Variants in ADAMTS13 observed in about 807,000 individuals in gnomAD.
ADAMTS13 encodes the protein ADAM metallopeptidase with thrombospondin type 1 motif 13, also known as A disintegrin and metalloproteinase with thrombospondin motifs 13.
ADAMTS13 carries 110 observed loss-of-function variants against 155.1 expected under a neutral mutation model. That is an observed-to-expected ratio of 0.71 (90% CI 0.61 to 0.83). The LOEUF is 0.83. Ranked by LOEUF, ADAMTS13 falls within the 40% of genes least tolerant of loss-of-function variation. ADAMTS13 has a pLI of 0.00. For synonymous variants in ADAMTS13, 758 were observed against 756.4 expected, an observed-to-expected ratio of 1.00 and a Z score of -0.03; for missense variants, 1,707 against 1,891.7, an observed-to-expected ratio of 0.90 and a Z score of 1.81.
Position 133,425,971 on chromosome 9 carries a change from TC to T in ADAMTS13, c.451del (p.Leu151CysfsTer2). The T allele has an allele frequency of 6.2e-7, 1 of 1,613,866 alleles. No homozygotes were observed. The highest frequency in any genetic ancestry group is 1.1e-5 in the South Asian group (1 of 91,084). On this transcript the variant is annotated frameshift_variant, in exon 5 of 29. Coordinates refer to ENST00000355699, the MANE Select transcript of ADAMTS13 (RefSeq NM_139027.6). LOFTEE classifies it high-confidence loss of function. The surrounding 1 kb of genome is among the most constrained non-coding windows in gnomAD (Gnocchi z 4.6). ...AAATATCACAGCCAACCTCACCTCG[TC>T]CCTGCTGAGCGTCTGTGGGTGGAGC... ...APNITANLTS[S>X]LLSVCGWSQT...
Position 133,424,492 on chromosome 9 carries a change from G to C in ADAMTS13, c.330+14G>C, listed in dbSNP as rs781984753. 2 of 1,608,342 alleles carry C rather than the reference G, an allele frequency of 1.2e-6. No individual in the cohort carries two copies. Among genetic ancestry groups the C allele is most frequent in the East Asian group, 2.2e-5 (1 of 44,534 alleles). On this transcript the variant is annotated intron_variant, in intron 3 of 28. Transcript: ENST00000355699. This position sits in a 1 kb window ranked among gnomAD's most constrained non-coding sequence, Gnocchi z 4.3. ...AACCTCAACATCGTGAGTGCCCCAC[G>C]CTGGACTGTGCAGGTCCCCACGGCC...
chr9:133,447,803 A>G (rs1485213672), intron 21 of ADAMTS13, among the ~76,000 whole-genome samples: 1 of 149,902 alleles, frequency 6.7e-6, no homozygotes, highest in Non-Finnish European at 1.5e-5. Flanking sequence ...CATGATGGCC[A>G]CGCTGGTCTC....
At chr9:133,414,918 T>C (rs782588604) in intron 1 of ADAMTS13, 1 of 1,614,054 alleles carries the variant, frequency 6.2e-7, no homozygotes, top group Non-Finnish European at 8.5e-7. Flanking sequence ...GTCTCTTTTT[T>C]GTTTTGCTGG....
chr9:133,427,444 C>T (rs980512474), intron 6 of ADAMTS13, among the ~76,000 whole-genome samples: 1 of 152,192 alleles, frequency 6.6e-6, no homozygotes, highest in Non-Finnish European at 1.5e-5. Context: ...TCCTTGCCCA[C>T]CAACCCCCAC....
chr9:133,455,534 C>G, intron 25 of ADAMTS13, 99 bp downstream of exon 25: 11 of 1,610,850 alleles, frequency 6.8e-6, no homozygotes, highest in Non-Finnish European at 9.3e-6. Flanking sequence ...GGCCCGGGGC[C>G]TGCTCTTCTC....
intron 21 of ADAMTS13, among the ~76,000 whole-genome samples, 192 bp from the exon 22 acceptor site, chr9:133,448,407 C>A (rs942094117): frequency 2.6e-5 from 4 of 152,180 alleles, no homozygotes; most frequent in Non-Finnish European, 4.4e-5. Flanking sequence ...AAGGTAGATG[C>A]CATTATCTTT....
Position 133,457,345 on chromosome 9 carries a change from A to T in ADAMTS13, c.3725-565A>T, listed in dbSNP as rs36222902. The stretch of plus-strand genomic sequence containing the variant: ...GTGGCAACAGGGGCTTAGCCTCTGC[A>T]GAGACCTAGTGCGCCGCCTCCTTGC... On this transcript the variant is annotated intron_variant, in intron 27 of 28. Transcript: ENST00000355699. Among the ~76,000 whole-genome samples the T allele has an allele frequency of 8.5e-3, 1,294 of 152,326 alleles. 8 individuals are homozygous for T. The highest frequency in any genetic ancestry group is 0.018 in the African/African-American group (735 of 41,588).
intron 19 of ADAMTS13, 145 bp from the exon 20 acceptor site, chr9:133,444,718 T>G: frequency 1.3e-5 from 10 of 799,290 alleles, no homozygotes; most frequent in Non-Finnish European, 1.8e-5. Context: ...GGAGAGACCC[T>G]GAGCTTCACT....
Position 133,425,919 on chromosome 9 carries a change from C to T in ADAMTS13, c.415-19C>T, listed in dbSNP as rs1840248822. ...CTGGTTGGGGTGTCCTAAATGCAGGCTTTGCTGTGGGTCCGCAGGGTGCTC... is the reference window on the plus strand; with the variant it reads ...CTGGTTGGGGTGTCCTAAATGCAGGTTTTGCTGTGGGTCCGCAGGGTGCTC... On this transcript the variant is annotated intron_variant, in intron 4 of 28. Coordinates refer to ENST00000355699, the MANE Select transcript of ADAMTS13 (RefSeq NM_139027.6). The surrounding 1 kb of genome is among the most constrained non-coding windows in gnomAD (Gnocchi z 4.6). 6.2e-7 allele frequency: 1 copy of T among 1,612,974 alleles called. No individual in the cohort carries two copies. Among genetic ancestry groups the T allele is most frequent in the African/African-American group, 1.3e-5 (1 of 74,940 alleles).
At chr9:133,439,055 A>T (rs587692907) in intron 14 of ADAMTS13, among the ~76,000 whole-genome samples, 1 of 152,292 alleles carries the variant, frequency 6.6e-6, no homozygotes, top group African/African-American at 2.4e-5. Flanking sequence ...TTTGGTGTAT[A>T]TATGAGGTCA....
rs139286990 is a variant in ADAMTS13 at position 133,455,529 on chromosome 9, G to A, written c.3400+94G>A. 2.1e-5 allele frequency: 34 copies of A among 1,610,872 alleles called. No homozygotes were observed. In the Middle Eastern group the frequency reaches 5.7e-4, roughly 27 times the overall value. On this transcript the variant is annotated intron_variant, in intron 25 of 28. Transcript: ENST00000355699. Reference sequence around the variant, plus strand: ...GCCTCCCTGGAGTGGTCCCAGGCCCGGGGCCTGCTCTTCTCCCCGGCTCCC... The same window carrying A: ...GCCTCCCTGGAGTGGTCCCAGGCCCAGGGCCTGCTCTTCTCCCCGGCTCCC...
In ADAMTS13 at chr9:133,432,654, G is replaced by C. The variant is rs377191898; in HGVS notation, c.1054G>C (p.Val352Leu). 6.4e-7 allele frequency: 1 copy of C among 1,559,842 alleles called. No homozygotes were observed. The highest frequency in any genetic ancestry group is 1.4e-5 in the African/African-American group (1 of 73,932). The change falls in exon 9 of 29, where the codon GTT becomes CTT. Residue 352 changes from valine (V) to leucine (L), a missense_variant. By Grantham distance (32) the Val-to-Leu change is conservative. Coordinates refer to ENST00000355699, the MANE Select transcript of ADAMTS13 (RefSeq NM_139027.6). ...LDQSSCSRLL[V>L]PLLDGTECGV... Reference sequence around the variant, plus strand: ...CCAAAGCAGCTGCAGCCGCCTCCTCGTTCCTCTCCTGGATGGGACAGAATG... The same window carrying C: ...CCAAAGCAGCTGCAGCCGCCTCCTCCTTCCTCTCCTGGATGGGACAGAATG...
intron 19 of ADAMTS13, 136 bp from the exon 20 acceptor site, chr9:133,444,727 C>G: frequency 1.1e-6 from 1 of 878,606 alleles, no homozygotes; most frequent in East Asian, 2.7e-5. Flanking sequence ...CTGAGCTTCA[C>G]TTCTCTGTGG....
At position 133,433,662 on chromosome 9, in the gene ADAMTS13, A is replaced by C. The variant is rs781796744; in HGVS notation, c.1266A>C (p.Ala422=). The C allele has an allele frequency of 2.5e-6, 4 of 1,613,890 alleles. No homozygotes were observed. The highest frequency in any genetic ancestry group is 2.2e-5 in the South Asian group (2 of 91,078). Residue 422 remains alanine (A), a synonymous_variant, in exon 11 of 29, where the codon GCA becomes GCC. Transcript: ENST00000355699. ...TCAGACCTGCCTTTGGGGGGCGTGC[A>C]TGTGTTGGTGCTGACCTCCAGGCCG... ...NNPRPAFGGR[A]CVGADLQAEM... is the part of the protein sequence containing the mutation.
Position 133,442,614 on chromosome 9 carries a change from G to C in ADAMTS13, c.2105G>C (p.Gly702Ala). The change falls in exon 18 of 29, where the codon GGG becomes GCG. Residue 702 changes from glycine (G) to alanine (A), a missense_variant and splice_region_variant. Around this residue, in one of 3 missense-constraint regions of ADAMTS13, gnomAD observed 961 missense variants for 1,107.9 expected, o/e 0.87. Coordinates refer to ENST00000355699, the MANE Select transcript of ADAMTS13 (RefSeq NM_139027.6). ...CCTAGCCCTCCCTCTTCCCTCCCAG[G>C]GCTGCGCTGGGTAAACTACAGCTGC... ...RGPCSVSCGA[G>A]LRWVNYSCLD... 1.2e-6 allele frequency: 2 copies of C among 1,613,264 alleles called. No homozygotes were observed. The highest frequency in any genetic ancestry group is 1.7e-6 in the Non-Finnish European group (2 of 1,180,000).
In ADAMTS13 at chr9:133,459,000, C is replaced by G. The variant is rs199775013; in HGVS notation, c.3936C>G (p.Thr1312=). ...TCCGGGACACCCACAGCTTGAGGAC[C>G]ACAGCGTTCCATGGGCAGCAGGTGC... is the stretch of plus-strand genomic sequence containing the variant. ...ILIRDTHSLR[T]TAFHGQQVLY... The change falls in exon 29 of 29, where the codon ACC becomes ACG. Residue 1312 remains threonine (T), a synonymous_variant. Coordinates refer to ENST00000355699, the MANE Select transcript of ADAMTS13 (RefSeq NM_139027.6). The G allele has an allele frequency of 9.9e-6, 16 of 1,613,188 alleles. No individual in the cohort carries two copies. The East Asian group carries it at 1.3e-4, about 13-fold the overall frequency.
At chr9:133,423,048 T>G in intron 1 of ADAMTS13, 53 bp from the exon 2 acceptor site, 3 of 1,554,360 alleles carry the variant, frequency 1.9e-6, no homozygotes, top group Non-Finnish European at 2.7e-6. Flanking sequence ...AGTGTTAGGA[T>G]TACAGGCCAG....
intron 11 of ADAMTS13, among the ~76,000 whole-genome samples, chr9:133,434,462 C>T (rs1004316108): frequency 1.5e-4 from 23 of 152,154 alleles, no homozygotes; most frequent in Non-Finnish European, 1.9e-4. Context: ...CCCGCCACCA[C>T]GCCCGGCTAA....
intron 6 of ADAMTS13, among the ~76,000 whole-genome samples, chr9:133,428,166 G>T (rs1302439431): frequency 6.6e-6 from 1 of 152,156 alleles, no homozygotes; most frequent in Admixed American, 6.5e-5. Context: ...CACCTTCCTG[G>T]CCTAGGAATG....
Sources: allele counts gnomAD v4.1 joint callset (sites outside exome capture counted in the v4.1 genomes callset), GRCh38; gene constraint gnomAD v4.1.1; regional missense constraint gnomAD v4.1.1; non-coding constraint Gnocchi (gnomAD v3.1); transcripts MANE v1.5; gene names NCBI Gene and HGNC (gene_info 2026-07-23, HGNC 2026-07-21).